PRRC1: variants seen among roughly 807,000 people sequenced by gnomAD.
PRRC1 encodes the protein proline rich coiled-coil 1, also known as protein PRRC1.
In PRRC1, 39 loss-of-function variants were observed where a neutral mutation model predicts 40.7. The ratio of observed to expected loss-of-function variants is 0.96; its 90% CI spans 0.74 to 1.25. The LOEUF is 1.25. Among genes scored for constraint, PRRC1 ranks in the 50% most tolerant of loss-of-function variants. The pLI, the probability that PRRC1 is intolerant of heterozygous loss-of-function variation, is 0.00. For synonymous variants in PRRC1, 175 were observed against 193.3 expected, an observed-to-expected ratio of 0.91 and a Z score of 0.79; for missense variants, 573 against 548.3, an observed-to-expected ratio of 1.05 and a Z score of -0.45.
Position 127,552,116 on chromosome 5 carries a change from T to C in PRRC1, c.*200T>C, listed in dbSNP as rs1219087107. 7.2e-7 allele frequency: 1 copy of C among 1,396,498 alleles called. No homozygotes were observed. Among genetic ancestry groups the C allele is most frequent in the Non-Finnish European group, 9.3e-7 (1 of 1,077,440 alleles). 86.5% of individuals were successfully genotyped at this position (1,396,498 alleles called of 1,614,324 possible). A position where few individuals can be genotyped will look rare whatever the true frequency, so the allele number is the denominator to read the frequency against. On this transcript the variant is annotated 3_prime_UTR_variant, in exon 9 of 9. Transcript: ENST00000296666. ...AAGAAACAAATCCTTTTTATAGTCA[T>C]ACCATTTCACCTATCATAGTACTCA... is the stretch of plus-strand genomic sequence containing the variant.
chr5:127,549,308 T>A lies in PRRC1; in HGVS notation c.1128+1387T>A, dbSNP rs563860562. 7 of 152,264 alleles carry A rather than the reference T, an allele frequency of 4.6e-5. No individual in the cohort carries two copies. The East Asian group carries it at 1.2e-3, about 25-fold the overall frequency. The allele number at this position is 152,264 out of a possible 1,614,324, so 9.4% of individuals were successfully genotyped here. On this transcript the variant is annotated intron_variant, in intron 8 of 8. Coordinates refer to ENST00000296666, the MANE Select transcript of PRRC1 (RefSeq NM_130809.5). ...AGCCTCTTTTAACTTTAAATGAAAT[T>A]ATAGTCCAAAGAACTAAATGTCAAA... is the stretch of plus-strand genomic sequence containing the variant.
At chr5:127,522,386 A>G (rs1290020692) in intron 1 of PRRC1, among the ~76,000 whole-genome samples, 2 of 152,130 alleles carry the variant, frequency 1.3e-5, no homozygotes, top group Non-Finnish European at 2.9e-5. Flanking sequence ...TATCAAGTGA[A>G]GCACATTTTA....
intron 5 of PRRC1, among the ~76,000 whole-genome samples, chr5:127,530,817 T>C (rs1013314645): frequency 6.6e-6 from 1 of 152,068 alleles, no homozygotes; most frequent in Non-Finnish European, 1.5e-5. Context: ...AGGGATAATA[T>C]TTTTGGAGGA....
chr5:127,544,348 G>A (rs1277748149), intron 7 of PRRC1, among the ~76,000 whole-genome samples: 1 of 152,194 alleles, frequency 6.6e-6, no homozygotes, highest in Non-Finnish European at 1.5e-5. Flanking sequence ...CACTTGAGGA[G>A]GCAGTCTGCC....
rs1393092626 is a variant in PRRC1, at chr5:127,553,158, A to G, written c.*1242A>G. On this transcript the variant is annotated 3_prime_UTR_variant, in exon 9 of 9. Transcript: ENST00000296666. ...TCTTCTATACAGTTCTTTAGATGTA[A>G]AAGAATTAGCACAATCTCTGGCAGT... 2.0e-6 allele frequency: 2 copies of G among 980,468 alleles called. No individual in the cohort carries two copies. Among genetic ancestry groups the G allele is most frequent in the Non-Finnish European group, 2.4e-6 (2 of 825,560 alleles). The allele number at this position is 980,468 out of a possible 1,614,324, so 60.7% of individuals were successfully genotyped here.
At chr5:127,523,127 C>T (rs1341644542) in intron 1 of PRRC1, among the ~76,000 whole-genome samples, 1 of 152,152 alleles carries the variant, frequency 6.6e-6, no homozygotes, top group African/African-American at 2.4e-5. Context: ...ATAACTATCT[C>T]TAACATGCAT....
chr5:127,524,430 G>A (rs1386506754), intron 2 of PRRC1, 101 bp from the exon 3 acceptor site: 1 of 1,123,696 alleles, frequency 8.9e-7, no homozygotes, highest in Non-Finnish European at 1.3e-6. Context: ...ATATGCTTTG[G>A]TAAGTTAAAA....
chr5:127,536,116 C>T (rs1767894379), intron 6 of PRRC1, among the ~76,000 whole-genome samples: 1 of 152,036 alleles, frequency 6.6e-6, no homozygotes, highest in African/African-American at 2.4e-5. Context: ...TCCTTACACA[C>T]AGAGCAAAGC....
At chr5:127,530,087 T>C (rs1372222018) in intron 4 of PRRC1, among the ~76,000 whole-genome samples, 2 of 152,180 alleles carry the variant, frequency 1.3e-5, no homozygotes, top group African/African-American at 2.4e-5. Flanking sequence ...TTGCTGCTGG[T>C]CTACACACTG....
At chr5:127,527,977 T>C (rs2127095139) in intron 4 of PRRC1, among the ~76,000 whole-genome samples, 1 of 152,268 alleles carries the variant, frequency 6.6e-6, no homozygotes, top group East Asian at 1.9e-4. Context: ...CTAGGGTATT[T>C]TCTGATTTGA....
chr5:127,538,949 T>A (rs1230340051), intron 6 of PRRC1, 91 bp from the exon 7 acceptor site: 1 of 840,054 alleles, frequency 1.2e-6, no homozygotes, highest in African/African-American at 1.7e-5. Context: ...TGTTTGCATA[T>A]AAATGTATGC....
chr5:127,522,424 T>G lies in PRRC1; in HGVS notation c.-20-1036T>G, dbSNP rs377476136. On this transcript the variant is annotated intron_variant, in intron 1 of 8. Coordinates refer to ENST00000296666, the MANE Select transcript of PRRC1 (RefSeq NM_130809.5). ...TTATTTTATTGAGACAAGGTCCTGCTTTGTTGCCCAGGCTGGAGTACAGTG... is the reference window on the plus strand; with the variant it reads ...TTATTTTATTGAGACAAGGTCCTGCGTTGTTGCCCAGGCTGGAGTACAGTG... Among the ~76,000 whole-genome samples the G allele has an allele frequency of 4.6e-5, 7 of 152,210 alleles. No homozygotes were observed. In the East Asian group the frequency reaches 7.7e-4, roughly 17 times the overall value.
chr5:127,545,539 A>AC (rs1768192988), intron 7 of PRRC1, among the ~76,000 whole-genome samples: 1 of 151,336 alleles, frequency 6.6e-6, no homozygotes, highest in Admixed American at 6.6e-5. Flanking sequence ...CACAAGGACA[A>AC]AAAACCAAAC....
At chr5:127,523,098 C>T (rs904843489) in intron 1 of PRRC1, among the ~76,000 whole-genome samples, 1 of 152,154 alleles carries the variant, frequency 6.6e-6, no homozygotes, top group African/African-American at 2.4e-5. Flanking sequence ...AGGCATGGGA[C>T]ACCACACCTG....
rs771394081 is a variant in PRRC1, at chr5:127,524,697, G to T, written c.270G>T (p.Met90Ile). 4.3e-6 allele frequency: 7 copies of T among 1,613,916 alleles called. No homozygotes were observed. The East Asian group carries it at 1.6e-4, about 36-fold the overall frequency. Residue 90 changes from methionine (M) to isoleucine (I), a missense_variant, in exon 3 of 9, where the codon ATG (methionine) becomes ATT (isoleucine). Coordinates refer to ENST00000296666, the MANE Select transcript of PRRC1 (RefSeq NM_130809.5). Reference sequence around the variant, plus strand: ...CTGTCCCACCACTTGTTACTTCTATGCCACCTCCTGTTTCTCCATCAACTG... The same window carrying T: ...CTGTCCCACCACTTGTTACTTCTATTCCACCTCCTGTTTCTCCATCAACTG... Reference protein sequence around the residue: ...VPSVPPLVTSMPPPVSPSTAA... With the variant: ...VPSVPPLVTSIPPPVSPSTAA...
intron 7 of PRRC1, among the ~76,000 whole-genome samples, chr5:127,539,507 T>C (rs1449924744): frequency 6.6e-6 from 1 of 152,136 alleles, no homozygotes; most frequent in East Asian, 1.9e-4. Flanking sequence ...GAAGGCCTGA[T>C]GGCATTCTCT....
chr5:127,534,942 C>T (rs1049923808), intron 6 of PRRC1, among the ~76,000 whole-genome samples: 1 of 152,188 alleles, frequency 6.6e-6, no homozygotes, highest in African/African-American at 2.4e-5. Context: ...GGAGTCAGCC[C>T]TGACTTCTCT....
chr5:127,533,508 G>T (rs1767825492), intron 5 of PRRC1, 115 bp from the exon 6 acceptor site: 12 of 917,572 alleles, frequency 1.3e-5, no homozygotes, highest in Non-Finnish European at 1.8e-5. Flanking sequence ...ATCTTGCATG[G>T]TTTTATGAAA....
intron 6 of PRRC1, among the ~76,000 whole-genome samples, chr5:127,534,274 GA>G (rs1053776959): frequency 2.7e-5 from 4 of 149,650 alleles, no homozygotes; most frequent in Non-Finnish European, 5.9e-5. Flanking sequence ...TTCTCACCTT[GA>G]AAAAAAAAGA....
Sources: gnomAD v4.1 joint callset for allele counts (sites outside exome capture counted in the v4.1 genomes callset) on GRCh38, gnomAD v4.1.1 for gene constraint, MANE v1.5 for transcripts, NCBI Gene and HGNC (gene_info 2026-07-23, HGNC 2026-07-21) for gene names.